The following CBLB variants were observed in gnomAD, a reference collection of about 807,000 sequenced individuals.
CBLB encodes E3 ubiquitin-protein ligase CBL-B.
Under a neutral mutation model 104.9 loss-of-function variants are expected in CBLB, and 31 were observed. The ratio of observed to expected loss-of-function variants is 0.30; its 90% confidence interval spans 0.22 to 0.40. The LOEUF (loss-of-function observed/expected upper bound fraction) is 0.40. Among genes scored for constraint, CBLB ranks in the 10% least tolerant of loss-of-function variants. CBLB has a pLI of 1.00. For synonymous variants in CBLB, 440 were observed against 422.6 expected (o/e 1.04, Z -0.51); for missense variants, 1,062 against 1,214.6 (o/e 0.87, Z 1.87).
intron 3 of CBLB, among the ~76,000 whole-genome samples, chr3:105,822,253 A>G (rs80339180): frequency 1.7e-4 from 26 of 152,312 alleles, no homozygotes; most frequent in African/African-American, 6.0e-4. Context: ...TGCAAGAGGC[A>G]TAGAAAAGCT....
At chr3:105,868,264 C>G (rs1181307639) in intron 1 of CBLB, 3 of 1,225,704 alleles carry the variant, frequency 2.4e-6, no homozygotes, top group Non-Finnish European at 3.1e-6. Context: ...AGAAAAATGA[C>G]AAGAGCGGCC....
At chr3:105,747,153 T>G (rs2076177787) in intron 5 of CBLB, among the ~76,000 whole-genome samples, 2 of 152,164 alleles carry the variant, frequency 1.3e-5, no homozygotes, top group Admixed American at 6.5e-5. Context: ...TACTCAAGGG[T>G]GTGGATGAAT....
chr3:105,857,570 C>A (rs1028232766), intron 2 of CBLB, among the ~76,000 whole-genome samples: 19 of 152,288 alleles, frequency 1.2e-4, no homozygotes, highest in African/African-American at 4.3e-4. Context: ...TAATCCAATA[C>A]AAGAGCTTGT....
At chr3:105,685,047 G>C (rs915178213) in intron 14 of CBLB, among the ~76,000 whole-genome samples, 1 of 152,100 alleles carries the variant, frequency 6.6e-6, no homozygotes, top group African/African-American at 2.4e-5. Flanking sequence ...TCTAAGGAAG[G>C]TCAGAATAAT....
intron 4 of CBLB, among the ~76,000 whole-genome samples, chr3:105,764,465 T>G (rs1432250419): frequency 6.6e-6 from 1 of 152,184 alleles, no homozygotes; most frequent in African/African-American, 2.4e-5. Context: ...AAATAGTTTT[T>G]GGGCACTATG....
intron 3 of CBLB, among the ~76,000 whole-genome samples, chr3:105,781,817 T>C (rs1306109884): frequency 6.6e-6 from 1 of 152,132 alleles, no homozygotes; most frequent in Non-Finnish European, 1.5e-5. Context: ...AGGTGATACT[T>C]TTACCCAAAA....
chr3:105,723,380 A>G (rs1297053764), intron 9 of CBLB, among the ~76,000 whole-genome samples: 1 of 152,174 alleles, frequency 6.6e-6, no homozygotes, highest in African/African-American at 2.4e-5. Context: ...GACTCCGTCT[A>G]TTCTAAATGA....
At chr3:105,851,976 A>AGTC (rs1489704524) in intron 3 of CBLB, among the ~76,000 whole-genome samples, 1 of 152,230 alleles carries the variant, frequency 6.6e-6, no homozygotes, top group Non-Finnish European at 1.5e-5. Flanking sequence ...CTGTGCCACC[A>AGTC]GTCACATAAA....
At chr3:105,813,606 G>A (rs1195346528) in intron 3 of CBLB, among the ~76,000 whole-genome samples, 1 of 151,950 alleles carries the variant, frequency 6.6e-6, no homozygotes, top group Admixed American at 6.6e-5. Flanking sequence ...AAAATTAAAA[G>A]TCTTTAAAGG....
chr3:105,776,670 C>T (rs976388594), intron 3 of CBLB, 128 bp from the exon 4 acceptor site: 6 of 815,504 alleles, frequency 7.4e-6, no homozygotes, highest in Admixed American at 4.7e-5. Flanking sequence ...TGGTTGATCA[C>T]GAAAACCTCA....
chr3:105,829,625 T>G (rs1179481316), intron 3 of CBLB, among the ~76,000 whole-genome samples: 1 of 130,596 alleles, frequency 7.7e-6, no homozygotes. Context: ...GCTGTGTTCA[T>G]GCCACCACAC....
intron 3 of CBLB, 127 bp downstream of exon 3, chr3:105,853,287 A>T (rs769089678): frequency 1.1e-6 from 1 of 901,986 alleles, no homozygotes; most frequent in Non-Finnish European, 1.8e-6. Context: ...GTTAAGTACC[A>T]CATGACTATA....
intron 10 of CBLB, among the ~76,000 whole-genome samples, chr3:105,714,036 C>T (rs1576547363): frequency 1.3e-5 from 2 of 152,288 alleles, no homozygotes; most frequent in South Asian, 2.1e-4. Context: ...TTTCGAATGT[C>T]TATTTTTATT....
intron 3 of CBLB, among the ~76,000 whole-genome samples, chr3:105,786,023 G>C (rs180906083): frequency 4.1e-5 from 5 of 120,554 alleles, no homozygotes; most frequent in Non-Finnish European, 8.2e-5. Context: ...CAGTGAGTCT[G>C]GAAATCTATT....
At chr3:105,753,880 G>A (rs990869482) in intron 4 of CBLB, among the ~76,000 whole-genome samples, 7 of 152,128 alleles carry the variant, frequency 4.6e-5, no homozygotes, top group African/African-American at 1.7e-4. Context: ...TTAGTCTAAT[G>A]TACCCCTTCA....
At chr3:105,679,857 T>C (rs923017793) in intron 16 of CBLB, among the ~76,000 whole-genome samples, 2 of 152,184 alleles carry the variant, frequency 1.3e-5, no homozygotes, top group African/African-American at 4.8e-5. Flanking sequence ...TTTTTCTTAT[T>C]AACACATCTG....
chr3:105,720,271 T>C (rs375755093), intron 9 of CBLB, 21 bp from the exon 10 acceptor site: 12 of 1,591,386 alleles, frequency 7.5e-6, no homozygotes, highest in Non-Finnish European at 1.0e-5. Flanking sequence ...AGAAAATGCA[T>C]GGATTGGTTT....
At chr3:105,814,405 T>C (rs2153044537) in intron 3 of CBLB, among the ~76,000 whole-genome samples, 1 of 152,318 alleles carries the variant, frequency 6.6e-6, no homozygotes. Flanking sequence ...GTAACAAACC[T>C]GAACTCAGTT....
chr3:105,754,115 C>T (rs1450943108), intron 4 of CBLB, among the ~76,000 whole-genome samples: 1 of 151,586 alleles, frequency 6.6e-6, no homozygotes, highest in Non-Finnish European at 1.5e-5. Context: ...GCAAAACACC[C>T]ATTATTGTGT....
Sources: allele counts gnomAD v4.1 joint callset (sites outside exome capture counted in the v4.1 genomes callset), GRCh38; gene constraint gnomAD v4.1.1; transcripts MANE v1.5; gene names NCBI Gene and HGNC (gene_info 2026-07-23, HGNC 2026-07-21).